Variants in MLLT1 observed in about 807,000 individuals in gnomAD.
MLLT1 encodes MLLT1 super elongation complex subunit.
In MLLT1, 11 loss-of-function variants were observed where a neutral mutation model predicts 55.1. That is an observed-to-expected ratio of 0.20 (90% CI 0.13 to 0.33). The LOEUF is 0.33. Among genes scored for constraint, MLLT1 ranks in the 10% least tolerant of loss-of-function variants. The pLI is 1.00. For missense variants in MLLT1, 536 were observed against 760.6 expected, an observed-to-expected ratio of 0.70 and a Z score of 3.47; for synonymous variants, 323 against 320.1, an observed-to-expected ratio of 1.01 and a Z score of -0.10.
intron 8 of MLLT1, 58 bp from the exon 9 acceptor site, chr19:6,214,096 C>G: frequency 8.8e-7 from 1 of 1,141,410 alleles, no homozygotes; most frequent in Non-Finnish European, 1.2e-6. Context: ...CCCCACCCCA[C>G]CCCCAGGCTC....
rs1555709254 is a variant in MLLT1, at chr19:6,256,254, T to TA, written c.276+5973dup. ...ATAAATAAATAAATAAATAAATAAA[T>TA]AAAAAGACCAGCCTGGGCAACACAA... is the stretch of plus-strand genomic sequence containing the variant. On this transcript the variant is annotated intron_variant, in intron 3 of 11. Transcript: ENST00000252674. The surrounding 1 kb of genome is among the most constrained non-coding windows in gnomAD (Gnocchi z 4.1). Among the ~76,000 whole-genome samples the TA allele has an allele frequency of 7.4e-5, 11 of 148,298 alleles. No homozygotes were observed. Among genetic ancestry groups the TA allele is most frequent in the East Asian group, 2.0e-4 (1 of 5,048 alleles).
At chr19:6,267,288 G>A (rs1009994434) in intron 2 of MLLT1, among the ~76,000 whole-genome samples, 1 of 151,738 alleles carries the variant, frequency 6.6e-6, no homozygotes, top group African/African-American at 2.4e-5. Flanking sequence ...ATTTTTAGTA[G>A]AGACCGAGTT....
rs536565400 is a variant in MLLT1 at position 6,211,051 on chromosome 19, G to A, written c.*1991C>T. On this transcript the variant is annotated 3_prime_UTR_variant, in exon 12 of 12. Coordinates refer to ENST00000252674, the MANE Select transcript of MLLT1 (RefSeq NM_005934.4). This position sits in a 1 kb window ranked among gnomAD's most constrained non-coding sequence, Gnocchi z 4.6. Reference sequence around the variant, plus strand: ...GGAAGGCTGCTCGAGTCGCTGTGTGGATTTTGGGGGACTCCTGCGAAGGAG... The same window carrying A: ...GGAAGGCTGCTCGAGTCGCTGTGTGAATTTTGGGGGACTCCTGCGAAGGAG... The A allele has an allele frequency of 4.3e-6, 1 of 232,070 alleles. No homozygotes were observed. The highest frequency in any genetic ancestry group is 8.5e-6 in the Non-Finnish European group (1 of 117,402). The allele number at this position is 232,070 out of a possible 1,614,324, so 14.4% of individuals were successfully genotyped here.
chr19:6,253,264 CAAAAAAAA>C (rs71172800), intron 3 of MLLT1, among the ~76,000 whole-genome samples: 40 of 24,566 alleles, frequency 1.6e-3, no homozygotes, highest in South Asian at 3.9e-3. Context: ...GACCCCATCT[CAAAAAAAA>C]AAAAAAAAAA....
chr19:6,257,213 G>A (rs1272521680), intron 3 of MLLT1, among the ~76,000 whole-genome samples: 1 of 152,084 alleles, frequency 6.6e-6, no homozygotes, highest in Non-Finnish European at 1.5e-5. Flanking sequence ...CATGCAACAA[G>A]GGACATTATC....
At chr19:6,257,996 C>T (rs981054370) in intron 3 of MLLT1, among the ~76,000 whole-genome samples, 9 of 152,170 alleles carry the variant, frequency 5.9e-5, no homozygotes, top group African/African-American at 2.2e-4. Flanking sequence ...ACAAGCATTG[C>T]TGAGGATCTG....
At chr19:6,245,283 G>A (rs1465619931) in intron 3 of MLLT1, among the ~76,000 whole-genome samples, 2 of 143,456 alleles carry the variant, frequency 1.4e-5, no homozygotes, top group African/African-American at 5.2e-5. Flanking sequence ...AAAGAGATGG[G>A]GTTTCACCAT....
At position 6,226,952 on chromosome 19, in the gene MLLT1, C is replaced by T. The variant is rs377755143; in HGVS notation, c.546+25G>A. 1.2e-5 allele frequency: 18 copies of T among 1,562,872 alleles called. No individual in the cohort carries two copies. Among genetic ancestry groups the T allele is most frequent in the Admixed American group, 3.9e-5 (2 of 51,406 alleles). ...ACAGCTGGGCCCCGGCGCTCCCACG[C>T]GACTGGGCCTTCCGCCTCACTAACC... On this transcript the variant is annotated intron_variant, in intron 5 of 11. Transcript: ENST00000252674. This position sits in a 1 kb window ranked among gnomAD's most constrained non-coding sequence, Gnocchi z 6.3.
At chr19:6,248,114 C>T (rs2091184299) in intron 3 of MLLT1, among the ~76,000 whole-genome samples, 1 of 152,158 alleles carries the variant, frequency 6.6e-6, no homozygotes, top group African/African-American at 2.4e-5. Flanking sequence ...TCTTGAACTC[C>T]TGACCTCAGG....
intron 3 of MLLT1, among the ~76,000 whole-genome samples, chr19:6,254,642 C>T (rs766344147): frequency 6.6e-6 from 1 of 152,214 alleles, no homozygotes; most frequent in Non-Finnish European, 1.5e-5. Context: ...GAAACCCACA[C>T]AGTTGGTGTC....
intron 3 of MLLT1, among the ~76,000 whole-genome samples, chr19:6,261,566 A>G (rs1359813438): frequency 6.6e-6 from 1 of 151,232 alleles, no homozygotes; most frequent in Non-Finnish European, 1.5e-5. Context: ...AAGCCAGGAA[A>G]TGTCACCGCT....
chr19:6,265,060 A>C (rs1226891284), intron 2 of MLLT1, among the ~76,000 whole-genome samples: 3 of 138,736 alleles, frequency 2.2e-5, no homozygotes, highest in African/African-American at 5.6e-5. Flanking sequence ...AAAAAAACAA[A>C]AAAACAAAAA....
rs576667088 is a variant in MLLT1 at position 6,212,862 on chromosome 19, C to A, written c.*180G>T. 4.1e-6 allele frequency: 4 copies of A among 966,200 alleles called. No individual in the cohort carries two copies. Among genetic ancestry groups the A allele is most frequent in the African/African-American group, 3.4e-5 (2 of 58,186 alleles). 59.9% of individuals were successfully genotyped at this position (966,200 alleles called of 1,614,324 possible). On this transcript the variant is annotated 3_prime_UTR_variant, in exon 12 of 12. Transcript: ENST00000252674. ...CCCAGCCCGGCCCCAGGGCTCCTGG[C>A]GATGGAGCGGGGAGAGTGGGCAGGG...
rs182147905 is a variant in MLLT1 at position 6,265,389 on chromosome 19, G to A, written c.194-3079C>T. 1.2e-3 allele frequency among the ~76,000 whole-genome samples: 179 copies of A among 152,240 alleles called. 2 individuals carry two copies. The East Asian group carries it at 0.024, about 20-fold the overall frequency. On this transcript the variant is annotated intron_variant, in intron 2 of 11. Transcript: ENST00000252674. Reference sequence around the variant, plus strand: ...GTCAGCACTCAAAAAGTTTTGGATCGGCTGGGTGCAGTGGCTCCCGCCTGT... The same window carrying A: ...GTCAGCACTCAAAAAGTTTTGGATCAGCTGGGTGCAGTGGCTCCCGCCTGT...
At chr19:6,218,607 A>C (rs2090868007) in intron 6 of MLLT1, among the ~76,000 whole-genome samples, 1 of 152,134 alleles carries the variant, frequency 6.6e-6, no homozygotes, top group South Asian at 2.1e-4. Flanking sequence ...AGCCATGGGC[A>C]AGCCCGGCCC....
At chr19:6,255,984 C>T (rs137896650) in intron 3 of MLLT1, among the ~76,000 whole-genome samples, 2,057 of 152,018 alleles carry the variant, frequency 0.014, 22 homozygotes, top group Non-Finnish European at 0.019. Context: ...TTTGGGAGGC[C>T]GAGGCAGGTA....
At chr19:6,218,507 G>A (rs2090867137) in intron 6 of MLLT1, among the ~76,000 whole-genome samples, 1 of 152,238 alleles carries the variant, frequency 6.6e-6, no homozygotes, top group South Asian at 2.1e-4. Flanking sequence ...GGGGCTCAGG[G>A]GTGGCAGAGA....
rs978910113 is a variant in MLLT1, at chr19:6,211,160, G to C, written c.*1882C>G. 1 of 232,578 alleles carries C rather than the reference G, an allele frequency of 4.3e-6. No individual in the cohort carries two copies. Among genetic ancestry groups the C allele is most frequent in the African/African-American group, 2.2e-5 (1 of 45,308 alleles). The allele number at this position is 232,578 out of a possible 1,614,324, so 14.4% of individuals were successfully genotyped here. ...AGAGCTCCCAGCAGCACGGGCCCCC[G>C]GTCAGCCCCCCTCAGGCCAGTTCCT... On this transcript the variant is annotated 3_prime_UTR_variant, in exon 12 of 12. Transcript: ENST00000252674. This position sits in a 1 kb window ranked among gnomAD's most constrained non-coding sequence, Gnocchi z 4.6.
At chr19:6,241,421 C>T (rs2091112009) in intron 3 of MLLT1, among the ~76,000 whole-genome samples, 1 of 152,056 alleles carries the variant, frequency 6.6e-6, no homozygotes, top group African/African-American at 2.4e-5. Context: ...CACAAACAGT[C>T]GGAAAGATGG....
Sources: gnomAD v4.1 joint callset for allele counts (sites outside exome capture counted in the v4.1 genomes callset) on GRCh38, gnomAD v4.1.1 for gene constraint, Gnocchi (gnomAD v3.1) non-coding constraint, MANE v1.5 for transcripts, NCBI Gene and HGNC (gene_info 2026-07-23, HGNC 2026-07-21) for gene names.